Variants in ABCA12 observed in about 807,000 individuals in gnomAD.
ABCA12 encodes the protein glucosylceramide transporter ABCA12.
ABCA12 carries 156 observed loss-of-function variants against 293.5 expected under a neutral mutation model. The ratio of observed to expected loss-of-function variants is 0.53; its 90% CI spans 0.47 to 0.61. The LOEUF (loss-of-function observed/expected upper bound fraction) is 0.61. Among genes scored for constraint, ABCA12 ranks in the 20% least tolerant of loss-of-function variants. The pLI, the probability that ABCA12 is intolerant of heterozygous loss-of-function variation, is 0.00. For synonymous variants in ABCA12, 1,063 were observed against 1,108.0 expected, an observed-to-expected ratio of 0.96 and a Z score of 0.81; for missense variants, 2,797 against 3,090.2, an observed-to-expected ratio of 0.91 and a Z score of 2.25.
At chr2:215,076,263 C>T (rs980479354) in intron 2 of ABCA12, among the ~76,000 whole-genome samples, 3 of 152,146 alleles carry the variant, frequency 2.0e-5, no homozygotes, top group African/African-American at 2.4e-5. Flanking sequence ...CCTCTCTCTT[C>T]GCAGATCCAT....
intron 28 of ABCA12, among the ~76,000 whole-genome samples, chr2:214,986,239 TAGTCTCTACCTAAG>T (rs1699783393): frequency 6.6e-6 from 1 of 152,178 alleles, no homozygotes. Context: ...CCCCAATCAA[TAGTCTCTACCTAAG>T]AATATGAACT....
chr2:214,996,288 TAC>T lies in ABCA12; in HGVS notation c.3294+1405_3294+1406del, dbSNP rs543337515. Among the ~76,000 whole-genome samples, 20 of 152,364 alleles carry T rather than the reference TAC, an allele frequency of 1.3e-4. 1 individual carries two copies. The South Asian group carries it at 2.1e-3, about 16-fold the overall frequency. On this transcript the variant is annotated intron_variant, in intron 23 of 52. Coordinates refer to ENST00000272895, the MANE Select transcript of ABCA12 (RefSeq NM_173076.3). The stretch of plus-strand genomic sequence containing the variant: ...AATAATACAATGTGTGTGTATTATA[TAC>T]ACACAGTTTTATTATATGCATATAC...
chr2:215,043,221 G>T (rs2106045416), intron 7 of ABCA12, among the ~76,000 whole-genome samples: 1 of 152,188 alleles, frequency 6.6e-6, no homozygotes, highest in Middle Eastern at 3.4e-3. Context: ...GTGTTATTTT[G>T]AGAAATATCT....
intron 38 of ABCA12, among the ~76,000 whole-genome samples, chr2:214,968,504 T>C (rs890401295): frequency 2.0e-5 from 3 of 152,086 alleles, no homozygotes; most frequent in Non-Finnish European, 2.9e-5. Flanking sequence ...TTATGAGAAA[T>C]GCTACTATGT....
At chr2:214,956,546 C>G in intron 42 of ABCA12, 117 bp downstream of exon 42, 1 of 727,766 alleles carries the variant, frequency 1.4e-6, no homozygotes, top group South Asian at 1.7e-5. Context: ...AGTCATCACT[C>G]ATGTCAAATG....
intron 30 of ABCA12, among the ~76,000 whole-genome samples, chr2:214,980,935 A>G (rs1286712377): frequency 6.6e-6 from 1 of 151,946 alleles, no homozygotes; most frequent in African/African-American, 2.4e-5. Context: ...CCCATCTACA[A>G]TTAGCTGGGT....
rs368251697 is a variant in ABCA12 at position 215,005,661 on chromosome 2, G to A, written c.2593-1362C>T. 7.9e-5 allele frequency among the ~76,000 whole-genome samples: 12 copies of A among 152,228 alleles called. No homozygotes were observed. In the South Asian group the frequency reaches 2.5e-3, roughly 32 times the overall value. ...AGTACTGTGTTAGTTGCAATCTGGA[G>A]ACAATCCATTAAACCCTATTTCAAT... On this transcript the variant is annotated intron_variant, in intron 19 of 52. Transcript: ENST00000272895.
At chr2:215,119,734 T>TG (rs1553548184) in intron 1 of ABCA12, among the ~76,000 whole-genome samples, 2,604 of 75,578 alleles carry the variant, frequency 0.034, 69 homozygotes, top group African/African-American at 0.089. Flanking sequence ...CATTAAAAAG[T>TG]AAAAAAAAAA....
chr2:215,003,813 G>A (rs993100313), intron 20 of ABCA12, among the ~76,000 whole-genome samples: 1 of 151,832 alleles, frequency 6.6e-6, no homozygotes, highest in Non-Finnish European at 1.5e-5. Context: ...GATTACAGGC[G>A]TGCACCACCA....
At chr2:215,065,297 T>TAAAAAAAAAAAAAAAAAAA (rs66466863) in intron 2 of ABCA12, among the ~76,000 whole-genome samples, 3 of 45,126 alleles carry the variant, frequency 6.6e-5, no homozygotes, top group African/African-American at 2.6e-4. Context: ...CATGAATGTG[T>TAAAAAAAAAAAAAAAAAAA]AAAAAAAAAA....
At chr2:215,038,166 A>T (rs996287619) in intron 7 of ABCA12, among the ~76,000 whole-genome samples, 15 of 152,176 alleles carry the variant, frequency 9.9e-5, no homozygotes, top group Admixed American at 9.2e-4. Context: ...AAATAAGGAT[A>T]TACATGTGGA....
intron 2 of ABCA12, among the ~76,000 whole-genome samples, chr2:215,094,784 C>T (rs1238766555): frequency 6.6e-6 from 1 of 152,202 alleles, no homozygotes; most frequent in Non-Finnish European, 1.5e-5. Flanking sequence ...CCCCTCTACC[C>T]AGTTGCCCCA....
intron 23 of ABCA12, among the ~76,000 whole-genome samples, chr2:214,991,709 A>G (rs1451429822): frequency 1.3e-5 from 2 of 152,190 alleles, no homozygotes; most frequent in East Asian, 3.8e-4. Context: ...TGTATCTGAG[A>G]TCCTCTATAC....
At chr2:215,087,992 T>C (rs1702074715) in intron 2 of ABCA12, among the ~76,000 whole-genome samples, 1 of 152,150 alleles carries the variant, frequency 6.6e-6, no homozygotes, top group Non-Finnish European at 1.5e-5. Context: ...CTTCAGCTCA[T>C]TGAAAGTGGC....
At chr2:215,073,686 A>T (rs902760909) in intron 2 of ABCA12, among the ~76,000 whole-genome samples, 5 of 152,190 alleles carry the variant, frequency 3.3e-5, no homozygotes, top group African/African-American at 9.7e-5. Context: ...CTGCAGTGCC[A>T]CTGCATCTGT....
intron 19 of ABCA12, among the ~76,000 whole-genome samples, chr2:215,005,829 A>C (rs1280887497): frequency 1.3e-5 from 2 of 152,226 alleles, no homozygotes; most frequent in East Asian, 1.9e-4. Context: ...TGTATCACAT[A>C]AATGTATACA....
chr2:215,024,181 T>C (rs1574991723), intron 11 of ABCA12, among the ~76,000 whole-genome samples: 1 of 152,166 alleles, frequency 6.6e-6, no homozygotes, highest in Middle Eastern at 3.2e-3. Context: ...TCCACCTCTA[T>C]CCCTTACAAT....
intron 7 of ABCA12, among the ~76,000 whole-genome samples, chr2:215,039,984 G>C (rs1212490416): frequency 1.3e-5 from 2 of 152,068 alleles, no homozygotes; most frequent in Non-Finnish European, 2.9e-5. Context: ...CCTGTATTTA[G>C]ATTTCATTAA....
At chr2:215,043,789 A>C (rs542787616) in intron 7 of ABCA12, among the ~76,000 whole-genome samples, 1 of 152,126 alleles carries the variant, frequency 6.6e-6, no homozygotes, top group Non-Finnish European at 1.5e-5. Flanking sequence ...TTAAGATACA[A>C]ACATTTCAAT....
Sources: allele counts gnomAD v4.1 joint callset (sites outside exome capture counted in the v4.1 genomes callset), GRCh38; gene constraint gnomAD v4.1.1; transcripts MANE v1.5; gene names NCBI Gene and HGNC (gene_info 2026-07-23, HGNC 2026-07-21).